The following DPP10 variants were observed in gnomAD, a reference collection of about 807,000 sequenced individuals.
The protein encoded by DPP10 is inactive dipeptidyl peptidase 10.
DPP10 carries 33 observed loss-of-function variants against 120.9 expected under a neutral mutation model. The observed-to-expected ratio is 0.27, with a 90% CI of 0.21 to 0.37. The LOEUF is 0.37. Among genes scored for constraint, DPP10 ranks in the 10% least tolerant of loss-of-function variants. DPP10 has a pLI of 1.00. For synonymous variants in DPP10, 337 were observed against 326.1 expected (o/e 1.03, Z -0.36); for missense variants, 816 against 942.8 (o/e 0.87, Z 1.76).
chr2:114,558,613 AT>A (rs1688511321), intron 1 of DPP10, among the ~76,000 whole-genome samples: 1 of 152,196 alleles, frequency 6.6e-6, no homozygotes, highest in South Asian at 2.1e-4. Context: ...TAAAGCAGAA[AT>A]TTTCATCCTT....
At chr2:115,194,470 C>T (rs957648456) in intron 1 of DPP10, among the ~76,000 whole-genome samples, 3 of 152,146 alleles carry the variant, frequency 2.0e-5, no homozygotes, top group South Asian at 2.1e-4. Context: ...CAGTGGCCTT[C>T]GTGCTTTTGG....
intron 1 of DPP10, among the ~76,000 whole-genome samples, chr2:115,262,265 C>A (rs1215707981): frequency 6.6e-6 from 1 of 151,788 alleles, no homozygotes; most frequent in Non-Finnish European, 1.5e-5. Flanking sequence ...TTTGGTGTAA[C>A]ACCAAGTCTT....
intron 1 of DPP10, among the ~76,000 whole-genome samples, chr2:114,834,472 A>ACACCTATGTATATATAAGCCATATCTACG (rs1687462766): frequency 3.4e-5 from 5 of 144,930 alleles, no homozygotes; most frequent in South Asian, 4.4e-4. Context: ...CCATATCTAC[A>ACACCTATGTATATATAAGCCATATCTACG]CACCTATGTA....
intron 1 of DPP10, among the ~76,000 whole-genome samples, chr2:115,076,885 A>G (rs927043747): frequency 2.6e-4 from 39 of 152,264 alleles, no homozygotes; most frequent in African/African-American, 9.2e-4. Context: ...CTTGCTGTAG[A>G]CTAAAATTGT....
chr2:114,872,510 C>T (rs892905282), intron 1 of DPP10, among the ~76,000 whole-genome samples: 4 of 152,150 alleles, frequency 2.6e-5, no homozygotes, highest in African/African-American at 9.7e-5. Flanking sequence ...TAGTAGGTGG[C>T]AGGTAACAAT....
intron 1 of DPP10, among the ~76,000 whole-genome samples, chr2:114,958,976 G>A (rs749680863): frequency 5.9e-5 from 9 of 152,100 alleles, no homozygotes; most frequent in Non-Finnish European, 1.3e-4. Context: ...ATTTTCAGAT[G>A]GAGAATGAGA....
At chr2:115,643,760 G>A (rs1261255145) in intron 5 of DPP10, among the ~76,000 whole-genome samples, 2 of 152,170 alleles carry the variant, frequency 1.3e-5, no homozygotes, top group African/African-American at 4.8e-5. Flanking sequence ...TTTTGTGACA[G>A]TAGCCCTTCA....
At chr2:115,225,964 C>G (rs1264697851) in intron 1 of DPP10, among the ~76,000 whole-genome samples, 1 of 152,102 alleles carries the variant, frequency 6.6e-6, no homozygotes, top group African/African-American at 2.4e-5. Flanking sequence ...CCTTTTATTA[C>G]TCACTAGCAG....
At chr2:115,751,236 AATCTATTAAAG>A (rs1279522208) in intron 10 of DPP10, among the ~76,000 whole-genome samples, 1 of 152,188 alleles carries the variant, frequency 6.6e-6, no homozygotes, top group Non-Finnish European at 1.5e-5. Flanking sequence ...TCTCTAGAAA[AATCTATTAAAG>A]GTTAATACTT....
At chr2:114,464,649 T>C (rs540615320) in intron 1 of DPP10, among the ~76,000 whole-genome samples, 4 of 152,316 alleles carry the variant, frequency 2.6e-5, no homozygotes, top group Middle Eastern at 6.8e-3. Flanking sequence ...TCCTCTACTA[T>C]ACAGAGCTGT....
At chr2:115,167,439 AAAAG>A (rs199920830) in intron 1 of DPP10, among the ~76,000 whole-genome samples, 1,758 of 151,552 alleles carry the variant, frequency 0.012, 25 homozygotes, top group African/African-American at 0.029. Context: ...AAATAAAAAG[AAAAG>A]AAAGAAAGAA....
intron 1 of DPP10, among the ~76,000 whole-genome samples, chr2:115,114,218 T>G (rs973974205): frequency 5.3e-5 from 8 of 152,194 alleles, no homozygotes; most frequent in Non-Finnish European, 8.8e-5. Context: ...TCTTTGTTCT[T>G]TGGACCTCCA....
intron 1 of DPP10, among the ~76,000 whole-genome samples, chr2:114,548,890 G>A (rs1308309513): frequency 1.3e-5 from 2 of 152,118 alleles, no homozygotes; most frequent in African/African-American, 2.4e-5. Flanking sequence ...ACTGAAATGT[G>A]GACCATCTTA....
At chr2:114,670,743 A>G (rs1698275679) in intron 1 of DPP10, among the ~76,000 whole-genome samples, 1 of 152,174 alleles carries the variant, frequency 6.6e-6, no homozygotes, top group African/African-American at 2.4e-5. Context: ...TACAGATCAT[A>G]AAGAACAAGT....
At chr2:114,781,315 T>C (rs979081436) in intron 1 of DPP10, among the ~76,000 whole-genome samples, 8 of 152,184 alleles carry the variant, frequency 5.3e-5, no homozygotes, top group African/African-American at 1.9e-4. Flanking sequence ...TAGAGGCTAG[T>C]TGCTTTTAGC....
At chr2:114,593,975 T>G (rs1266487807) in intron 1 of DPP10, among the ~76,000 whole-genome samples, 3 of 152,132 alleles carry the variant, frequency 2.0e-5, no homozygotes, top group Admixed American at 1.3e-4. Flanking sequence ...TCAGGCCTGC[T>G]GAGCTACTGT....
intron 1 of DPP10, among the ~76,000 whole-genome samples, chr2:114,672,618 T>C (rs1698419038): frequency 6.6e-6 from 1 of 152,216 alleles, no homozygotes; most frequent in East Asian, 1.9e-4. Flanking sequence ...ACTCAATTTG[T>C]AAGCTGCTGG....
At chr2:115,387,228 C>T (rs1385470303) in intron 3 of DPP10, among the ~76,000 whole-genome samples, 1 of 152,110 alleles carries the variant, frequency 6.6e-6, no homozygotes, top group East Asian at 1.9e-4. Context: ...ATAGAAGGCT[C>T]CAATGGAGAT....
Position 114,581,246 on chromosome 2 carries a change from G to T in DPP10, c.60+138408G>T, listed in dbSNP as rs960971205. On this transcript the variant is annotated intron_variant, in intron 1 of 25. Transcript: ENST00000410059. Reference sequence around the variant, plus strand: ...CCCAGGCTGGATGGAGTGCAGTGGCGCATCTTGGCTCACTGCAAGCTCCAC... The same window carrying T: ...CCCAGGCTGGATGGAGTGCAGTGGCTCATCTTGGCTCACTGCAAGCTCCAC... Among the ~76,000 whole-genome samples the T allele has an allele frequency of 3.3e-5, 4 of 121,674 alleles. No individual in the cohort carries two copies. The South Asian group carries it at 1.1e-3, about 34-fold the overall frequency. 79.8% of individuals were successfully genotyped at this position (121,674 alleles called of 152,430 possible). A position where few individuals can be genotyped will look rare whatever the true frequency, so the allele number is the denominator to read the frequency against.
Sources: gnomAD v4.1 joint callset for allele counts (sites outside exome capture counted in the v4.1 genomes callset) on GRCh38, gnomAD v4.1.1 for gene constraint, MANE v1.5 for transcripts, NCBI Gene and HGNC (gene_info 2026-07-23, HGNC 2026-07-21) for gene names.